The following LAMA2 variants were observed in gnomAD, a reference collection of about 807,000 sequenced individuals.
LAMA2 encodes the protein laminin subunit alpha-2.
LAMA2 carries 269 observed loss-of-function variants against 364.8 expected under a neutral mutation model. The observed-to-expected ratio is 0.74, with a 90% CI of 0.67 to 0.82. LAMA2 has a LOEUF of 0.82. Among genes scored for constraint, LAMA2 ranks in the 40% least tolerant of loss-of-function variants. The pLI, the probability that LAMA2 is intolerant of heterozygous loss-of-function variation, is 0.00. For synonymous variants in LAMA2, 1,379 were observed against 1,370.6 expected, an observed-to-expected ratio of 1.01 and a Z score of -0.14; for missense variants, 3,807 against 3,873.2, an observed-to-expected ratio of 0.98 and a Z score of 0.45.
intron 28 of LAMA2, among the ~76,000 whole-genome samples, chr6:129,322,690 TA>T (rs1291107891): frequency 2.0e-5 from 3 of 152,204 alleles, no homozygotes; most frequent in Non-Finnish European, 4.4e-5. Flanking sequence ...TTATTACAGC[TA>T]TATTTTTCTG....
intron 34 of LAMA2, among the ~76,000 whole-genome samples, chr6:129,377,188 A>G (rs1562507382): frequency 6.6e-6 from 1 of 152,122 alleles, no homozygotes; most frequent in Non-Finnish European, 1.5e-5. Flanking sequence ...TGTATAAAAT[A>G]TTAAAATTTT....
Position 129,297,800 on chromosome 6 carries a change from T to C in LAMA2, c.2972T>C (p.Val991Ala). The C allele has an allele frequency of 6.2e-7, 1 of 1,613,922 alleles. No individual in the cohort carries two copies. The highest frequency in any genetic ancestry group is 8.5e-7 in the Non-Finnish European group (1 of 1,179,936). The change falls in exon 21 of 65, where the codon GTC (valine) becomes GCC (alanine). Residue 991 changes from valine to alanine, a missense_variant. Val to Ala is a moderately conservative substitution (Grantham distance 64, BLOSUM62 0). This residue lies in a region of LAMA2 where 3,333 missense variants were observed against 3,345.7 expected (regional missense o/e 1.00). Coordinates refer to ENST00000421865, the MANE Select transcript of LAMA2 (RefSeq NM_000426.4). The part of the protein sequence containing the change: ...ESGQCWCQPG[V>A]TGKKCDRCAH... ...GGACAATGTTGGTGCCAACCTGGAGTCACAGGGAAGAAATGTGACCGCTGT... is the reference window on the plus strand; with the variant it reads ...GGACAATGTTGGTGCCAACCTGGAGCCACAGGGAAGAAATGTGACCGCTGT...
At chr6:129,286,657 AAT>A (rs1234236097) in intron 18 of LAMA2, among the ~76,000 whole-genome samples, 2 of 65,330 alleles carry the variant, frequency 3.1e-5, no homozygotes, top group African/African-American at 1.6e-4. Flanking sequence ...ATATTTATAT[AAT>A]ATATATAATA....
chr6:128,911,216 G>A (rs1440360111), intron 1 of LAMA2, among the ~76,000 whole-genome samples: 2 of 152,144 alleles, frequency 1.3e-5, no homozygotes. Context: ...CTGGGCAATG[G>A]CAGACGCCCC....
rs1457748796 is a variant in LAMA2, at chr6:129,149,060, A to T, written c.991A>T (p.Arg331Ter). Reference sequence around the variant, plus strand: ...TCCAGGATTCCATCAGAAACCCTGGAGAGCTGGAACTTTTCTAACTAAAAC... The same window carrying T: ...TCCAGGATTCCATCAGAAACCCTGGTGAGCTGGAACTTTTCTAACTAAAAC... ...CCPGFHQKPW[R>*]AGTFLTKTEC... The change falls in exon 7 of 65, where the codon AGA becomes TGA. Residue 331 changes from arginine (R) to a stop codon, truncating the protein, a stop_gained. Transcript: ENST00000421865. LOFTEE classifies it high-confidence loss of function. 1 of 1,612,618 alleles carries T rather than the reference A, an allele frequency of 6.2e-7. No individual in the cohort carries two copies. Among genetic ancestry groups the T allele is most frequent in the Non-Finnish European group, 8.5e-7 (1 of 1,178,738 alleles).
chr6:129,332,135 C>T (rs1411305494), intron 29 of LAMA2, among the ~76,000 whole-genome samples: 1 of 152,212 alleles, frequency 6.6e-6, no homozygotes, highest in African/African-American at 2.4e-5. Context: ...TTGATATTGA[C>T]ATCCCACAGT....
In LAMA2 at chr6:129,148,989, G is replaced by A; in HGVS notation, c.920G>A (p.Cys307Tyr). 1 of 1,612,150 alleles carries A rather than the reference G, an allele frequency of 6.2e-7. No homozygotes were observed. The highest frequency in any genetic ancestry group is 8.5e-7 in the Non-Finnish European group (1 of 1,178,288). Residue 307 changes from cysteine (C) to tyrosine (Y), a missense_variant, in exon 7 of 65, where the codon TGT becomes TAT. Around this residue, in one of 3 missense-constraint regions of LAMA2, gnomAD observed 394 missense variants for 403.5 expected, o/e 0.98. Transcript: ENST00000421865. ...CCTCTTTTTGACTAGAAATCTCGCT[G>A]TGAGTGTGAGCATAACACATGTGGC... Reference protein sequence around the residue: ...PLDPATNKSRCECEHNTCGDS... With the variant: ...PLDPATNKSRYECEHNTCGDS...
intron 1 of LAMA2, among the ~76,000 whole-genome samples, chr6:128,993,940 A>G (rs1783766224): frequency 6.6e-6 from 1 of 152,236 alleles, no homozygotes; most frequent in Admixed American, 6.5e-5. Flanking sequence ...CTGGTAGCAT[A>G]TTAATTTCAA....
intron 32 of LAMA2, among the ~76,000 whole-genome samples, chr6:129,355,410 A>G (rs1014871284): frequency 1.3e-5 from 2 of 152,150 alleles, no homozygotes; most frequent in Admixed American, 6.6e-5. Flanking sequence ...TTCTACTCCT[A>G]GTTTTGAAAT....
intron 1 of LAMA2, among the ~76,000 whole-genome samples, chr6:128,927,716 G>A (rs985144878): frequency 1.5e-4 from 23 of 151,102 alleles, no homozygotes; most frequent in East Asian, 1.4e-3. Context: ...CTTTCTTCCC[G>A]TTACTATATC....
At chr6:129,391,235 C>T (rs540008486) in intron 35 of LAMA2, among the ~76,000 whole-genome samples, 6 of 151,822 alleles carry the variant, frequency 4.0e-5, no homozygotes, top group South Asian at 4.2e-4. Context: ...TATTTTAATT[C>T]TTTCTTTCTT....
intron 12 of LAMA2, among the ~76,000 whole-genome samples, chr6:129,210,066 A>G (rs1035122262): frequency 2.6e-5 from 4 of 151,708 alleles, no homozygotes; most frequent in Non-Finnish European, 5.9e-5. Flanking sequence ...CTTATCCAGA[A>G]GATCTGGGGA....
intron 15 of LAMA2, among the ~76,000 whole-genome samples, chr6:129,264,657 A>G (rs1787376227): frequency 6.6e-6 from 1 of 152,164 alleles, no homozygotes; most frequent in African/African-American, 2.4e-5. Flanking sequence ...GTCAAAGCAG[A>G]GGAGACAGCA....
intron 1 of LAMA2, among the ~76,000 whole-genome samples, chr6:128,967,942 G>T (rs1025545218): frequency 6.6e-6 from 1 of 152,162 alleles, no homozygotes; most frequent in Non-Finnish European, 1.5e-5. Flanking sequence ...TCAAGGGTAA[G>T]ATCACAGACC....
chr6:129,305,793 G>C (rs892998029), intron 22 of LAMA2, among the ~76,000 whole-genome samples: 1 of 150,390 alleles, frequency 6.6e-6, no homozygotes, highest in Admixed American at 6.6e-5. Context: ...TTTGCTATTT[G>C]CTTTTGCTTG....
intron 1 of LAMA2, among the ~76,000 whole-genome samples, chr6:128,911,437 A>G (rs966793066): frequency 6.6e-6 from 1 of 152,166 alleles, no homozygotes; most frequent in Non-Finnish European, 1.5e-5. Flanking sequence ...TGACTAGGAA[A>G]GGGAACTCCC....
intron 3 of LAMA2, among the ~76,000 whole-genome samples, chr6:129,083,209 C>G (rs577580335): frequency 1.3e-5 from 2 of 151,872 alleles, no homozygotes; most frequent in Admixed American, 1.3e-4. Context: ...TGTGAACATC[C>G]CCATGTAACT....
intron 12 of LAMA2, among the ~76,000 whole-genome samples, chr6:129,242,974 T>C (rs1166889416): frequency 6.6e-6 from 1 of 152,150 alleles, no homozygotes; most frequent in Admixed American, 6.6e-5. Flanking sequence ...AATCTATTCA[T>C]AGGAGATTTA....
At chr6:129,453,244 G>A in intron 46 of LAMA2, 113 bp downstream of exon 46, 1 of 1,013,506 alleles carries the variant, frequency 9.9e-7, no homozygotes, top group Non-Finnish European at 1.5e-6. Flanking sequence ...TCTAACGTAG[G>A]CTTTCAGATT....
Sources: gnomAD v4.1 joint callset for allele counts (sites outside exome capture counted in the v4.1 genomes callset) on GRCh38, gnomAD v4.1.1 for gene constraint, gnomAD v4.1.1 regional missense constraint, MANE v1.5 for transcripts, NCBI Gene and HGNC (gene_info 2026-07-23, HGNC 2026-07-21) for gene names.